SPATA17: variants seen among roughly 807,000 people sequenced by gnomAD.
The protein encoded by SPATA17 is spermatogenesis associated 17, also known as spermatogenesis-associated protein 17.
Under a neutral mutation model 62.2 loss-of-function variants are expected in SPATA17, and 53 were observed. The observed-to-expected ratio is 0.85, with a 90% CI of 0.68 to 1.07. SPATA17 has a LOEUF of 1.07. SPATA17 is among the 50% of genes least tolerant of loss of function. SPATA17 has a pLI of 0.00. For synonymous variants in SPATA17, 146 were observed against 146.8 expected (o/e 0.99, Z 0.04); for missense variants, 466 against 425.5 (o/e 1.10, Z -0.84).
At chr1:217,768,552 C>T (rs1167844485) in intron 6 of SPATA17, among the ~76,000 whole-genome samples, 1 of 149,766 alleles carries the variant, frequency 6.7e-6, no homozygotes, top group Non-Finnish European at 1.5e-5. Context: ...AGTGCAATGG[C>T]GTGATCTCAG....
intron 2 of SPATA17, 39 bp downstream of exon 2, chr1:217,649,010 A>G: frequency 2.2e-6 from 3 of 1,348,638 alleles, no homozygotes; most frequent in South Asian, 2.6e-5. Flanking sequence ...GATATATCAT[A>G]AAAATATATT....
intron 1 of SPATA17, among the ~76,000 whole-genome samples, chr1:217,632,979 C>G (rs894079851): frequency 1.1e-4 from 16 of 152,044 alleles, no homozygotes; most frequent in African/African-American, 3.9e-4. Context: ...AGATGGATCA[C>G]TTGAGGGCAG....
intron 5 of SPATA17, among the ~76,000 whole-genome samples, chr1:217,714,508 A>G (rs1671954096): frequency 1.2e-5 from 1 of 85,832 alleles, no homozygotes; most frequent in Non-Finnish European, 2.5e-5. Context: ...TTTTTGAGAC[A>G]GAGTCTTGCT....
At chr1:217,644,711 G>T (rs977537983) in intron 1 of SPATA17, among the ~76,000 whole-genome samples, 1 of 151,786 alleles carries the variant, frequency 6.6e-6, no homozygotes, top group Non-Finnish European at 1.5e-5. Context: ...GTTATCCAGG[G>T]TTATAGTACT....
At chr1:217,811,025 C>CTTTA (rs554289972) in intron 9 of SPATA17, among the ~76,000 whole-genome samples, 114 of 151,938 alleles carry the variant, frequency 7.5e-4, no homozygotes, top group Middle Eastern at 3.4e-3. Flanking sequence ...TGTAGGTATT[C>CTTTA]TTTATTTATT....
chr1:217,775,475 C>A (rs779962618), intron 7 of SPATA17, among the ~76,000 whole-genome samples: 1 of 151,950 alleles, frequency 6.6e-6, no homozygotes, highest in African/African-American at 2.4e-5. Context: ...GAGGCCAAGG[C>A]GGACAGATCA....
At chr1:217,799,459 G>A (rs1674237966) in intron 8 of SPATA17, among the ~76,000 whole-genome samples, 1 of 152,106 alleles carries the variant, frequency 6.6e-6, no homozygotes, top group Non-Finnish European at 1.5e-5. Flanking sequence ...TAGTTTGTTT[G>A]TGTGTGATGT....
intron 9 of SPATA17, among the ~76,000 whole-genome samples, chr1:217,850,822 TC>T (rs1281461098): frequency 6.6e-6 from 1 of 151,940 alleles, no homozygotes; most frequent in African/African-American, 2.4e-5. Context: ...CCTGAATTCT[TC>T]CCCCAGGAAC....
intron 9 of SPATA17, among the ~76,000 whole-genome samples, chr1:217,838,279 T>G (rs1675308161): frequency 6.6e-6 from 1 of 152,072 alleles, no homozygotes; most frequent in African/African-American, 2.4e-5. Flanking sequence ...GCAGAATCTG[T>G]GGAAAATTTC....
intron 4 of SPATA17, 114 bp from the exon 5 acceptor site, chr1:217,683,144 C>G: frequency 1.6e-6 from 1 of 619,740 alleles, no homozygotes; most frequent in Non-Finnish European, 2.7e-6. Flanking sequence ...TGGAAAAGCC[C>G]AAGACTTTAT....
At chr1:217,689,827 C>T (rs370948782) in intron 5 of SPATA17, among the ~76,000 whole-genome samples, 15 of 151,906 alleles carry the variant, frequency 9.9e-5, no homozygotes, top group African/African-American at 2.7e-4. Context: ...TTGCTTCCTT[C>T]TCCATTTTTG....
chr1:217,820,112 G>C (rs1381198219), intron 9 of SPATA17, among the ~76,000 whole-genome samples: 2 of 151,972 alleles, frequency 1.3e-5, no homozygotes, highest in Admixed American at 6.6e-5. Context: ...ATTTCAAAAG[G>C]TTATCAGGGC....
chr1:217,816,097 G>A (rs1177500126), intron 9 of SPATA17, among the ~76,000 whole-genome samples: 1 of 151,916 alleles, frequency 6.6e-6, no homozygotes, highest in Non-Finnish European at 1.5e-5. Flanking sequence ...CACATCTTCA[G>A]TCTTAATTCA....
At chr1:217,790,766 T>A (rs1438763972) in intron 8 of SPATA17, among the ~76,000 whole-genome samples, 1 of 152,212 alleles carries the variant, frequency 6.6e-6, no homozygotes, top group East Asian at 1.9e-4. Context: ...TAATTTCTAA[T>A]TAAGTATGAT....
chr1:217,652,397 A>G (rs1337017033), intron 3 of SPATA17, among the ~76,000 whole-genome samples: 5 of 151,992 alleles, frequency 3.3e-5, no homozygotes, highest in Non-Finnish European at 7.4e-5. Flanking sequence ...ACACCTGGCT[A>G]ATTTTTTTGT....
intron 9 of SPATA17, among the ~76,000 whole-genome samples, chr1:217,804,548 A>T (rs1674388741): frequency 6.6e-6 from 1 of 152,240 alleles, no homozygotes; most frequent in African/African-American, 2.4e-5. Flanking sequence ...ATAGAATTGC[A>T]TCAAACCAAA....
chr1:217,761,981 G>A (rs913879766), intron 6 of SPATA17, among the ~76,000 whole-genome samples: 3 of 152,090 alleles, frequency 2.0e-5, no homozygotes, highest in African/African-American at 7.2e-5. Context: ...TGCATTCTCC[G>A]TCCTCATGCT....
chr1:217,731,238 T>C (rs1436635626), intron 5 of SPATA17, among the ~76,000 whole-genome samples: 1 of 152,124 alleles, frequency 6.6e-6, no homozygotes, highest in African/African-American at 2.4e-5. Context: ...CACTTTCACT[T>C]CTGTGACTTC....
At chr1:217,700,767 T>TC (rs1346783446) in intron 5 of SPATA17, among the ~76,000 whole-genome samples, 1 of 149,042 alleles carries the variant, frequency 6.7e-6, no homozygotes, top group Non-Finnish European at 1.5e-5. Flanking sequence ...TTTTTCTTTT[T>TC]TTTTTTTTTT....
Sources: gnomAD v4.1 joint callset for allele counts (sites outside exome capture counted in the v4.1 genomes callset) on GRCh38, gnomAD v4.1.1 for gene constraint, MANE v1.5 for transcripts, NCBI Gene and HGNC (gene_info 2026-07-23, HGNC 2026-07-21) for gene names.